Variants in PKD1L3 observed in about 807,000 individuals in gnomAD.
PKD1L3 encodes polycystin-1-like protein 3.
A neutral mutation model predicts 184.1 loss-of-function variants in PKD1L3; 239 were observed. The observed-to-expected ratio is 1.30, with a 90% confidence interval of 1.17 to 1.45. The LOEUF (loss-of-function observed/expected upper bound fraction) is 1.45, where lower values mean the gene tolerates loss of function less well. Ranked by LOEUF, PKD1L3 falls within the 40% of genes most tolerant of loss-of-function variation. The pLI is 0.00. For synonymous variants in PKD1L3, 996 were observed against 778.8 expected (o/e 1.28, Z -4.64); for missense variants, 2,660 against 2,067.2 (o/e 1.29, Z -5.56).
intron 29 of PKD1L3, 163 bp from the exon 30 acceptor site, chr16:71,929,841 A>G: frequency 1.1e-6 from 1 of 952,078 alleles, no homozygotes; most frequent in South Asian, 1.8e-5. Context: ...AATGGTTGCG[A>G]GCCAACTATT....
intron 26 of PKD1L3, among the ~76,000 whole-genome samples, 176 bp downstream of exon 26, chr16:71,935,182 T>G (rs981072500): frequency 3.3e-5 from 5 of 152,226 alleles, no homozygotes; most frequent in African/African-American, 1.2e-4. Flanking sequence ...TGACTAGCAG[T>G]TAAATGGCTT....
intron 6 of PKD1L3, among the ~76,000 whole-genome samples, chr16:71,982,777 A>G (rs1202130588): frequency 6.6e-6 from 1 of 151,752 alleles, no homozygotes; most frequent in Non-Finnish European, 1.5e-5. Flanking sequence ...AATTTTTTGT[A>G]GAGGCAGGGG....
intron 11 of PKD1L3, among the ~76,000 whole-genome samples, chr16:71,974,021 T>A (rs914859618): frequency 4.7e-4 from 26 of 54,814 alleles, no homozygotes; most frequent in East Asian, 1.5e-3. Flanking sequence ...AAAAAATATA[T>A]ATATTCTTCT....
At chr16:71,975,957 C>CT (rs11405422) in intron 11 of PKD1L3, among the ~76,000 whole-genome samples, 128 of 24,328 alleles carry the variant, frequency 5.3e-3, no homozygotes, top group East Asian at 0.015. Context: ...TGTTTCTGTT[C>CT]TTTTTTTTTT....
chr16:71,993,247 T>G lies in PKD1L3; in HGVS notation c.504A>C (p.Gly168=). ...GCATTTTGTCTCTTGCTATTGCAAC[T>G]CCTCTTTTTGTCTTCTTGTGTCTCT... ...LYQRHKKTKR[G]VAIARDKMPP... is the part of the protein sequence containing the mutation. The change falls in exon 3 of 30, where the codon GGA becomes GGC. Residue 168 remains glycine (G), a synonymous_variant. Transcript: ENST00000620267. 6.4e-7 allele frequency: 1 copy of G among 1,550,664 alleles called. No individual in the cohort carries two copies. Among genetic ancestry groups the G allele is most frequent in the South Asian group, 1.2e-5 (1 of 83,800 alleles).
chr16:71,995,039 T>C (rs930660050), intron 2 of PKD1L3, among the ~76,000 whole-genome samples: 1 of 152,154 alleles, frequency 6.6e-6, no homozygotes, highest in Non-Finnish European at 1.5e-5. Flanking sequence ...CTTTAGTCTG[T>C]TTTGCACTGC....
At chr16:71,972,438 C>T (rs1455925292) in intron 12 of PKD1L3, among the ~76,000 whole-genome samples, 2 of 151,984 alleles carry the variant, frequency 1.3e-5, no homozygotes, top group African/African-American at 4.8e-5. Context: ...CTCCTTCTGG[C>T]CTCCCAAAGT....
chr16:71,938,574 G>A (rs2038258118), intron 24 of PKD1L3, among the ~76,000 whole-genome samples: 1 of 152,206 alleles, frequency 6.6e-6, no homozygotes, highest in Admixed American at 6.5e-5. Context: ...GAGAACTTAT[G>A]GCGCTTCTTC....
intron 6 of PKD1L3, among the ~76,000 whole-genome samples, chr16:71,983,490 C>T (rs149353342): frequency 6.6e-5 from 10 of 152,174 alleles, no homozygotes; most frequent in African/African-American, 9.6e-5. Flanking sequence ...AAGGCAGTAC[C>T]AGCTGATTAA....
At chr16:71,951,830 T>C in intron 18 of PKD1L3, 86 bp from the exon 19 acceptor site, 3 of 1,256,640 alleles carry the variant, frequency 2.4e-6, no homozygotes, top group South Asian at 1.6e-5. Flanking sequence ...GGCCGTTCCC[T>C]TTCGTCAGAA....
At chr16:71,969,468 G>GTT (rs2143609402) in intron 13 of PKD1L3, among the ~76,000 whole-genome samples, 1 of 115,712 alleles carries the variant, frequency 8.6e-6, no homozygotes, top group African/African-American at 3.6e-5. Flanking sequence ...ACCATGCCAG[G>GTT]CTCTTTTTTT....
Position 71,934,790 on chromosome 16 carries a change from A to T in PKD1L3, c.4613+568T>A, listed in dbSNP as rs117422767. On this transcript the variant is annotated intron_variant, in intron 26 of 29. Coordinates refer to ENST00000620267, the MANE Select transcript of PKD1L3 (RefSeq NM_181536.2). ...GGCCTACTTGAAACAATGCCTCAGG[A>T]AAAGTTACACAGATCACCACCCAGG... is the stretch of plus-strand genomic sequence containing the variant. Among the ~76,000 whole-genome samples the T allele has an allele frequency of 8.5e-5, 13 of 152,274 alleles. No individual in the cohort carries two copies. The East Asian group carries it at 2.5e-3, about 29-fold the overall frequency.
Position 71,954,266 on chromosome 16 carries a change from G to T in PKD1L3, c.2648C>A (p.Thr883Asn). 1.9e-6 allele frequency: 3 copies of T among 1,546,728 alleles called. No individual in the cohort carries two copies. The South Asian group carries it at 3.6e-5, about 19-fold the overall frequency. ...LFSSMIVEKF[T>N]QDYLWLSIAT... Reference sequence around the variant, plus strand: ...AATTGAAAGCCACAGATAATCCTGGGTGAACTTTTCCACAATCATGGAGGA... The same window carrying T: ...AATTGAAAGCCACAGATAATCCTGGTTGAACTTTTCCACAATCATGGAGGA... Residue 883 changes from threonine to asparagine, a missense_variant, in exon 17 of 30, where the codon ACC (threonine) becomes AAC (asparagine). Physicochemically the swap from Thr to Asn is moderately conservative, Grantham distance 65. Transcript: ENST00000620267.
At chr16:71,984,415 C>G (rs1225372942) in intron 5 of PKD1L3, among the ~76,000 whole-genome samples, 1 of 152,152 alleles carries the variant, frequency 6.6e-6, no homozygotes, top group Non-Finnish European at 1.5e-5. Flanking sequence ...GCAAATGAGT[C>G]TGGAAATAAG....
chr16:71,995,752 A>G lies in PKD1L3; in HGVS notation c.419-2420T>C, dbSNP rs901902168. Among the ~76,000 whole-genome samples, 11 of 152,332 alleles carry G rather than the reference A, an allele frequency of 7.2e-5. No homozygotes were observed. The South Asian group carries it at 2.3e-3, about 32-fold the overall frequency. ...TGGTTTGACTTTGGGATAGATTCCT[A>G]GCAGTGGACACTGGGTCAAGGGTAG... On this transcript the variant is annotated intron_variant, in intron 2 of 29. Transcript: ENST00000620267.
Position 71,945,293 on chromosome 16 carries a change from T to C in PKD1L3, c.3719-1123A>G, listed in dbSNP as rs1241897910. ...ATATATATATATATATATATATATA[T>C]ATATATATATATACACACACACACA... is the stretch of plus-strand genomic sequence containing the variant. On this transcript the variant is annotated intron_variant, in intron 22 of 29. Coordinates refer to ENST00000620267, the MANE Select transcript of PKD1L3 (RefSeq NM_181536.2). 7.0e-5 allele frequency among the ~76,000 whole-genome samples: 5 copies of C among 70,982 alleles called. 2 individuals are homozygous for C. The highest frequency in any genetic ancestry group is 3.4e-4 in the African/African-American group (5 of 14,666). The allele number at this position is 70,982 out of a possible 152,430, so 46.6% of individuals were successfully genotyped here.
intron 16 of PKD1L3, among the ~76,000 whole-genome samples, chr16:71,960,814 T>C (rs2039249039): frequency 6.6e-6 from 1 of 152,186 alleles, no homozygotes; most frequent in Non-Finnish European, 1.5e-5. Flanking sequence ...TCCTAGCTAC[T>C]CGGGAAGCTG....
Position 71,942,978 on chromosome 16 carries a change from T to G in PKD1L3, c.3906A>C (p.Ala1302=), listed in dbSNP as rs774578889. 1.3e-6 allele frequency: 2 copies of G among 1,551,594 alleles called. No individual in the cohort carries two copies. The highest frequency in any genetic ancestry group is 2.4e-5 in the South Asian group (2 of 84,058). ...LTLLMTAIYS[A]KNSNRFYLHQ... Reference sequence around the variant, plus strand: ...GGAGGTAAAATCTATTGGAGTTCTTTGCAGAGTAGATTGCAGTCATCAACA... The same window carrying G: ...GGAGGTAAAATCTATTGGAGTTCTTGGCAGAGTAGATTGCAGTCATCAACA... The change falls in exon 24 of 30, where the codon GCA becomes GCC. Residue 1302 remains alanine, a synonymous_variant. Coordinates refer to ENST00000620267, the MANE Select transcript of PKD1L3 (RefSeq NM_181536.2).
rs1279881847 is a variant in PKD1L3, at chr16:71,949,779, A to T, written c.3618+4T>A. 1 of 1,548,572 alleles carries T rather than the reference A, an allele frequency of 6.5e-7. No individual in the cohort carries two copies. The highest frequency in any genetic ancestry group is 1.2e-5 in the South Asian group (1 of 83,934). The stretch of plus-strand genomic sequence containing the variant: ...TCCAATGGTTCTTCCCATCCCTCAC[A>T]TACCTTTACTGGCTGGCTGATGAAG... On this transcript the variant is annotated splice_donor_region_variant and intron_variant, in intron 21 of 29. Transcript: ENST00000620267.
Sources: gnomAD v4.1 joint callset for allele counts (sites outside exome capture counted in the v4.1 genomes callset) on GRCh38, gnomAD v4.1.1 for gene constraint, MANE v1.5 for transcripts, NCBI Gene and HGNC (gene_info 2026-07-23, HGNC 2026-07-21) for gene names.